The following ZDHHC21 variants were observed in gnomAD, a reference collection of about 807,000 sequenced individuals.
The protein encoded by ZDHHC21 is palmitoyltransferase ZDHHC21.
Under a neutral mutation model 34.6 loss-of-function variants are expected in ZDHHC21, and 15 were observed. The observed-to-expected ratio is 0.43, with a 90% CI of 0.29 to 0.67. The LOEUF (loss-of-function observed/expected upper bound fraction) is 0.67. Among genes scored for constraint, ZDHHC21 ranks in the 30% least tolerant of loss-of-function variants. ZDHHC21 has a pLI of 0.14. For synonymous variants in ZDHHC21, 142 were observed against 101.8 expected, an observed-to-expected ratio of 1.40 and a Z score of -2.38; for missense variants, 344 against 327.7, an observed-to-expected ratio of 1.05 and a Z score of -0.38.
At chr9:14,658,332 A>C (rs946539725) in intron 7 of ZDHHC21, among the ~76,000 whole-genome samples, 2 of 150,614 alleles carry the variant, frequency 1.3e-5, no homozygotes, top group African/African-American at 5.0e-5. Flanking sequence ...AAATTCACCA[A>C]TTTGGGAGTT....
chr9:14,594,152 T>A, the ZDHHC21 span: 2 of 152,192 alleles, frequency 1.3e-5, no homozygotes, highest in East Asian at 3.8e-4. Flanking sequence ...TTTTTTCAGA[T>A]GTAGATAGTT....
intron 8 of ZDHHC21, among the ~76,000 whole-genome samples, chr9:14,632,217 G>GA (rs1264367990): frequency 6.6e-5 from 10 of 152,080 alleles, no homozygotes; most frequent in Non-Finnish European, 1.2e-4. Flanking sequence ...CAGTAATTAA[G>GA]AAAGTGTGGT....
chr9:14,639,139 A>G (rs1201687356), intron 8 of ZDHHC21, among the ~76,000 whole-genome samples: 1 of 152,132 alleles, frequency 6.6e-6, no homozygotes, highest in Admixed American at 6.6e-5. Flanking sequence ...GAATTTTAAA[A>G]ATCTGGTATA....
intron 7 of ZDHHC21, among the ~76,000 whole-genome samples, chr9:14,649,856 G>C (rs1381597153): frequency 1.3e-5 from 2 of 152,006 alleles, no homozygotes; most frequent in African/African-American, 2.4e-5. Context: ...TCCAATAAGA[G>C]AACAGGATAA....
chr9:14,660,385 A>T (rs932844164), intron 6 of ZDHHC21, among the ~76,000 whole-genome samples: 1 of 149,796 alleles, frequency 6.7e-6, no homozygotes, highest in Non-Finnish European at 1.5e-5. Context: ...AAAAAAAAAA[A>T]AAAAAAAAAG....
intron 3 of ZDHHC21, among the ~76,000 whole-genome samples, chr9:14,679,207 G>C (rs1321411880): frequency 6.6e-6 from 1 of 152,076 alleles, no homozygotes; most frequent in African/African-American, 2.4e-5. Context: ...GAATTATGTA[G>C]AGAGGAAGCA....
chr9:14,597,123 T>A, the ZDHHC21 span, among the ~76,000 whole-genome samples: 3 of 152,094 alleles, frequency 2.0e-5, no homozygotes, highest in African/African-American at 7.2e-5. Context: ...TGCAACAGCA[T>A]TGTTCCAGAG....
rs184223331 is a variant in ZDHHC21 at position 14,663,610 on chromosome 9, C to A, written c.254-1284G>T. The stretch of plus-strand genomic sequence containing the variant: ...ACTTTAGTTGAATGGTCAGGAGCAA[C>A]ATCAACATGCTGGACTTTTATATAG... On this transcript the variant is annotated intron_variant, in intron 5 of 9. Transcript: ENST00000380916. Among the ~76,000 whole-genome samples, 19 of 150,228 alleles carry A rather than the reference C, an allele frequency of 1.3e-4. No individual in the cohort carries two copies. In the East Asian group the frequency reaches 3.1e-3, roughly 25 times the overall value.
At chr9:14,692,338 G>C (rs1839278459) in intron 1 of ZDHHC21, among the ~76,000 whole-genome samples, 1 of 152,118 alleles carries the variant, frequency 6.6e-6, no homozygotes, top group Admixed American at 6.5e-5. Context: ...AGCATAGTAG[G>C]CTGAGGACCT....
At chr9:14,693,037 G>T (rs1839395248) in intron 1 of ZDHHC21, among the ~76,000 whole-genome samples, 192 bp downstream of exon 1, 1 of 151,864 alleles carries the variant, frequency 6.6e-6, no homozygotes, top group Non-Finnish European at 1.5e-5. Flanking sequence ...CTGGGGCGGG[G>T]AGGCACCGAG....
At chr9:14,661,600 T>C (rs556012796) in intron 6 of ZDHHC21, among the ~76,000 whole-genome samples, 41 of 152,204 alleles carry the variant, frequency 2.7e-4, no homozygotes, top group Non-Finnish European at 4.4e-4. Flanking sequence ...GCAGCATTTG[T>C]TTTCGAAGAT....
chr9:14,627,746 T>C (rs902047853), intron 8 of ZDHHC21, among the ~76,000 whole-genome samples: 1 of 152,188 alleles, frequency 6.6e-6, no homozygotes, highest in Non-Finnish European at 1.5e-5. Context: ...ACAGCACTTC[T>C]TGATTAACTC....
In ZDHHC21 at chr9:14,613,920, C is replaced by T. The variant is rs1031373692; in HGVS notation, c.*5046G>A. The T allele has an allele frequency of 1.1e-4, 16 of 151,682 alleles. No homozygotes were observed. Among genetic ancestry groups the T allele is most frequent in the African/African-American group, 3.9e-4 (16 of 41,382 alleles). 9.4% of individuals were successfully genotyped at this position (151,682 alleles called of 1,614,324 possible). ...TTTTAACACTTCACATGATCATACT[C>T]TACACAATTATATTTAAAACTAAAA... On this transcript the variant is annotated 3_prime_UTR_variant, in exon 10 of 10. Transcript: ENST00000380916.
intron 1 of ZDHHC21, among the ~76,000 whole-genome samples, chr9:14,691,280 A>G (rs1032640950): frequency 3.3e-5 from 5 of 152,184 alleles, no homozygotes; most frequent in Admixed American, 2.0e-4. Flanking sequence ...CTCTCAACCC[A>G]AAGAGGTTTT....
intron 3 of ZDHHC21, among the ~76,000 whole-genome samples, chr9:14,677,088 A>T (rs1364697124): frequency 6.6e-6 from 1 of 151,990 alleles, no homozygotes. Context: ...ACTAGAGAAC[A>T]AATTTTTCTT....
chr9:14,689,002 A>T (rs1838772387), intron 2 of ZDHHC21, among the ~76,000 whole-genome samples: 1 of 152,160 alleles, frequency 6.6e-6, no homozygotes, highest in East Asian at 1.9e-4. Context: ...GTGAGCTGTG[A>T]CTGCACTGCA....
intron 7 of ZDHHC21, among the ~76,000 whole-genome samples, chr9:14,649,381 T>G (rs771169848): frequency 2.0e-5 from 3 of 152,148 alleles, no homozygotes; most frequent in Non-Finnish European, 4.4e-5. Context: ...GGTAGGTTCA[T>G]AAGGCAAATA....
intron 8 of ZDHHC21, chr9:14,622,497 T>A (rs1334252935): frequency 2.1e-6 from 2 of 960,016 alleles, no homozygotes; most frequent in Non-Finnish European, 2.5e-6. Flanking sequence ...GGGGGTGGGA[T>A]AAAGAGCAAG....
chr9:14,619,069 G>A lies in ZDHHC21; in HGVS notation c.695C>T (p.Thr232Ile). ...ISRPRKPWQQ[T>I]FSEVFGTRWK... ...ACGAGTGCCAAAAACTTCTGAGAAGGTCTGCTGCCATGGCTTTCGGGGCCT... is the reference window on the plus strand; with the variant it reads ...ACGAGTGCCAAAAACTTCTGAGAAGATCTGCTGCCATGGCTTTCGGGGCCT... The change falls in exon 10 of 10, where the codon ACC becomes ATC. Residue 232 changes from threonine (T) to isoleucine (I), a missense_variant. Coordinates refer to ENST00000380916, the MANE Select transcript of ZDHHC21 (RefSeq NM_178566.6). The A allele has an allele frequency of 1.9e-6, 3 of 1,611,634 alleles. No individual in the cohort carries two copies. Among genetic ancestry groups the A allele is most frequent in the Non-Finnish European group, 2.5e-6 (3 of 1,178,796 alleles).
Sources: gnomAD v4.1 joint callset for allele counts (sites outside exome capture counted in the v4.1 genomes callset) on GRCh38, gnomAD v4.1.1 for gene constraint, MANE v1.5 for transcripts, NCBI Gene and HGNC (gene_info 2026-07-23, HGNC 2026-07-21) for gene names.